ATP13A3: variants seen among roughly 807,000 people sequenced by gnomAD.
ATP13A3 encodes polyamine-transporting ATPase 13A3.
In ATP13A3, 59 loss-of-function variants were observed where a neutral mutation model predicts 158.1. The ratio of observed to expected loss-of-function variants is 0.37; its 90% CI spans 0.30 to 0.46. The LOEUF (loss-of-function observed/expected upper bound fraction) is 0.46. ATP13A3 is among the 20% of genes least tolerant of loss of function. The pLI is 1.00. For missense variants in ATP13A3, 1,166 were observed against 1,525.2 expected (o/e 0.76, Z 3.92); for synonymous variants, 491 against 504.3 (o/e 0.97, Z 0.35).
chr3:194,479,004 A>G lies in ATP13A3; in HGVS notation c.-47+6790T>C, dbSNP rs181031541. Among the ~76,000 whole-genome samples the G allele has an allele frequency of 2.3e-3, 348 of 152,310 alleles. 1 individual carries two copies. The highest frequency in any genetic ancestry group is 4.0e-3 in the Non-Finnish European group (272 of 68,028). ...TGCTACCTATAAAATCACAACTCTT[A>G]TACACTACAATAACTTATCATTGCC... is the stretch of plus-strand genomic sequence containing the variant. On this transcript the variant is annotated intron_variant, in intron 2 of 33. Transcript: ENST00000645319.
In ATP13A3 at chr3:194,434,414, T is replaced by G. The variant is rs919274755; in HGVS notation, c.2121-518A>C. Among the ~76,000 whole-genome samples the G allele has an allele frequency of 2.0e-5, 3 of 152,328 alleles. No homozygotes were observed. In the East Asian group the frequency reaches 5.8e-4, roughly 29 times the overall value. On this transcript the variant is annotated intron_variant, in intron 20 of 33. Transcript: ENST00000645319. The stretch of plus-strand genomic sequence containing the variant: ...TTTGAAAATATTACTAATATAGTTA[T>G]CAAGATGCTATTCTTTAAATAACTG...
intron 14 of ATP13A3, 64 bp downstream of exon 14, chr3:194,446,863 C>A: frequency 7.2e-7 from 1 of 1,386,868 alleles, no homozygotes; most frequent in Admixed American, 2.6e-5. Context: ...AAATAAAAAA[C>A]ATTGATCTAA....
intron 21 of ATP13A3, 53 bp from the exon 22 acceptor site, chr3:194,431,945 T>G: frequency 7.2e-7 from 1 of 1,386,282 alleles, no homozygotes; most frequent in Non-Finnish European, 9.6e-7. Flanking sequence ...AACGTGAACG[T>G]ATCAAACATG....
In ATP13A3 at chr3:194,419,928, A is replaced by G; in HGVS notation, c.3353T>C (p.Ile1118Thr). The change falls in exon 31 of 34, where the codon ATA becomes ACA. Residue 1118 changes from isoleucine to threonine, a missense_variant. By Grantham distance (89) the Ile-to-Thr change is moderately conservative. Around this residue, in one of 3 missense-constraint regions of ATP13A3, gnomAD observed 997 missense variants for 1,341.2 expected, o/e 0.74. Transcript: ENST00000645319. The part of the protein sequence containing the change: ...VFSVIFLYIF[I>T]LFIMLYPVAS... ...AACTGGATACAACATGATGAATAAT[A>G]TAAAAATATATAAAAAAATCACAGA... The G allele has an allele frequency of 6.5e-7, 1 of 1,538,376 alleles. No individual in the cohort carries two copies. Among genetic ancestry groups the G allele is most frequent in the Non-Finnish European group, 8.7e-7 (1 of 1,152,022 alleles).
At chr3:194,435,735 T>C (rs888555831) in intron 20 of ATP13A3, among the ~76,000 whole-genome samples, 2 of 152,038 alleles carry the variant, frequency 1.3e-5, no homozygotes, top group Non-Finnish European at 2.9e-5. Flanking sequence ...AGTGAAACCC[T>C]GTCTCTACCT....
chr3:194,416,454 T>G (rs1313981569), intron 31 of ATP13A3, among the ~76,000 whole-genome samples: 1 of 151,032 alleles, frequency 6.6e-6, no homozygotes, highest in South Asian at 2.1e-4. Context: ...CGAGACTCCA[T>G]CTCAAAAAAA....
intron 2 of ATP13A3, among the ~76,000 whole-genome samples, chr3:194,473,960 C>A (rs1164448276): frequency 6.6e-6 from 1 of 152,074 alleles, no homozygotes; most frequent in African/African-American, 2.4e-5. Context: ...TTTTAAAAGA[C>A]CAAACAGAAA....
chr3:194,426,153 T>G (rs1716751840), intron 29 of ATP13A3, among the ~76,000 whole-genome samples: 1 of 151,940 alleles, frequency 6.6e-6, no homozygotes, highest in South Asian at 2.1e-4. Flanking sequence ...ATGCTGCAAG[T>G]GAACTATGGG....
chr3:194,448,239 G>T lies in ATP13A3; in HGVS notation c.1150+218C>A, dbSNP rs559682243. 9.9e-5 allele frequency among the ~76,000 whole-genome samples: 15 copies of T among 152,112 alleles called. No homozygotes were observed. The highest frequency in any genetic ancestry group is 3.6e-4 in the African/African-American group (15 of 41,500). ...ACTGCAGGCGCCCGCCACCAGGCCC[G>T]GCTAATTTTTTTGTAATTTTGGTAG... On this transcript the variant is annotated intron_variant, in intron 12 of 33. Transcript: ENST00000645319. The surrounding 1 kb of genome is among the most constrained non-coding windows in gnomAD (Gnocchi z 4.0).
intron 2 of ATP13A3, 93 bp from the exon 3 acceptor site, chr3:194,462,329 G>A: frequency 1.2e-6 from 1 of 845,362 alleles, no homozygotes; most frequent in Admixed American, 2.4e-5. Context: ...TATACAAGGG[G>A]TCCCCAACCC....
chr3:194,489,211 G>A (rs964336470), upstream of ATP13A3, among the ~76,000 whole-genome samples: 11 of 152,200 alleles, frequency 7.2e-5, no homozygotes, highest in East Asian at 5.8e-4. The surrounding 1 kb of genome is among the most constrained non-coding windows in gnomAD (Gnocchi z 4.1). Flanking sequence ...TTGGGAGGCC[G>A]AGGCTGGTGG....
At position 194,417,446 on chromosome 3, in the gene ATP13A3, A is replaced by ACACAC. The variant is rs1560072223; in HGVS notation, c.3402+2432_3402+2433insGTGTG. Among the ~76,000 whole-genome samples, 12 of 84,140 alleles carry ACACAC rather than the reference A, an allele frequency of 1.4e-4. No individual in the cohort carries two copies. In the South Asian group the frequency reaches 2.7e-3, roughly 19 times the overall value. 55.2% of individuals were successfully genotyped at this position (84,140 alleles called of 152,430 possible). ...ACACACACACACACACACACACACA[A>ACACAC]AAGGAGGAAGAAGGAAAGCTCAAGC... On this transcript the variant is annotated intron_variant, in intron 31 of 33. Coordinates refer to ENST00000645319, the MANE Select transcript of ATP13A3 (RefSeq NM_001367549.1).
At chr3:194,414,083 T>C (rs1463361163) in intron 31 of ATP13A3, among the ~76,000 whole-genome samples, 1 of 152,150 alleles carries the variant, frequency 6.6e-6, no homozygotes, top group Admixed American at 6.5e-5. Context: ...AGTCAAATCC[T>C]GTTCACTCAG....
At chr3:194,486,335 G>A (rs2109085389) in intron 1 of ATP13A3, among the ~76,000 whole-genome samples, 1 of 152,070 alleles carries the variant, frequency 6.6e-6, no homozygotes. Context: ...CAAGCGCCCG[G>A]CCCCCACGCT....
intron 15 of ATP13A3, among the ~76,000 whole-genome samples, chr3:194,443,819 TA>T (rs1259190403): frequency 7.2e-5 from 11 of 152,016 alleles, no homozygotes; most frequent in Non-Finnish European, 1.5e-4. Flanking sequence ...ACTAATAGGA[TA>T]ATTTTCAATA....
intron 30 of ATP13A3, among the ~76,000 whole-genome samples, chr3:194,424,126 G>A (rs1419103054): frequency 1.3e-5 from 2 of 151,718 alleles, no homozygotes; most frequent in African/African-American, 4.8e-5. Flanking sequence ...TTCCATGGAA[G>A]GTTTTTCATC....
intron 21 of ATP13A3, among the ~76,000 whole-genome samples, chr3:194,432,555 C>G (rs1488916379): frequency 6.6e-6 from 1 of 152,048 alleles, no homozygotes; most frequent in East Asian, 1.9e-4. Flanking sequence ...GTACACAAAG[C>G]CATATTCTGG....
rs1359835566 is a variant in ATP13A3 at position 194,431,127 on chromosome 3, G to A, written c.2521C>T (p.His841Tyr). Residue 841 changes from histidine to tyrosine, a missense_variant, in exon 23 of 34, where the codon CAT becomes TAT. Physicochemically the swap from His to Tyr is moderately conservative, Grantham distance 83. This residue lies in a region of ATP13A3 where 997 missense variants were observed against 1,341.2 expected (regional missense o/e 0.74). Coordinates refer to ENST00000645319, the MANE Select transcript of ATP13A3 (RefSeq NM_001367549.1). The stretch of plus-strand genomic sequence containing the variant: ...ACCTTAGGAACAAGGTCTTGAAAAT[G>A]CTCCAGTATCACTGAGAATGATTTT... ...NGKSFSVILE[H>Y]FQDLVPKLML... 1 of 1,613,920 alleles carries A rather than the reference G, an allele frequency of 6.2e-7. No homozygotes were observed. Among genetic ancestry groups the A allele is most frequent in the Non-Finnish European group, 8.5e-7 (1 of 1,179,836 alleles).
intron 28 of ATP13A3, 94 bp downstream of exon 28, chr3:194,428,749 CTA>C: frequency 1.3e-6 from 1 of 793,218 alleles, no homozygotes; most frequent in Non-Finnish European, 2.0e-6. Flanking sequence ...GAGGTGTGAG[CTA>C]TGTTACAATT....
Sources: allele counts gnomAD v4.1 joint callset (sites outside exome capture counted in the v4.1 genomes callset), GRCh38; gene constraint gnomAD v4.1.1; regional missense constraint gnomAD v4.1.1; non-coding constraint Gnocchi (gnomAD v3.1); transcripts MANE v1.5; gene names NCBI Gene and HGNC (gene_info 2026-07-23, HGNC 2026-07-21).